Variants in NR1D2 observed in about 807,000 individuals in gnomAD.
The protein encoded by NR1D2 is nuclear receptor subfamily 1 group D member 2.
A neutral mutation model predicts 52.2 loss-of-function variants in NR1D2; 25 were observed. The observed-to-expected ratio is 0.48, with a 90% CI of 0.35 to 0.67. The LOEUF is 0.67. Among genes scored for constraint, NR1D2 ranks in the 30% least tolerant of loss-of-function variants. NR1D2 has a pLI of 0.01. For synonymous variants in NR1D2, 259 were observed against 230.1 expected (o/e 1.13, Z -1.14); for missense variants, 681 against 707.2 (o/e 0.96, Z 0.42).
rs1225210482 is a variant in NR1D2, at chr3:23,967,630, A to AATAGAAT, written c.1333-167_1333-161dup. Among the ~76,000 whole-genome samples, 26 of 152,286 alleles carry AATAGAAT rather than the reference A, an allele frequency of 1.7e-4. No homozygotes were observed. In the East Asian group the frequency reaches 4.1e-3, roughly 24 times the overall value. ...AAACTCCATGTCAAAAATAGAATAG[A>AATAGAAT]ATAGAATATAGAATATAGAATAGAA... On this transcript the variant is annotated intron_variant, in intron 6 of 7. Coordinates refer to ENST00000312521, the MANE Select transcript of NR1D2 (RefSeq NM_005126.5).
At chr3:23,968,762 A>G (rs1706513775) in intron 7 of NR1D2, among the ~76,000 whole-genome samples, 1 of 152,234 alleles carries the variant, frequency 6.6e-6, no homozygotes, top group Non-Finnish European at 1.5e-5. Context: ...GTTACTCCCA[A>G]TAACAAATGG....
chr3:23,974,334 T>C (rs773470273), intron 7 of NR1D2, among the ~76,000 whole-genome samples: 4 of 152,194 alleles, frequency 2.6e-5, no homozygotes, highest in Non-Finnish European at 4.4e-5. Context: ...AGCATCACTA[T>C]AAACGTGTTA....
At chr3:23,946,846 C>G (rs1423277457) in intron 1 of NR1D2, among the ~76,000 whole-genome samples, 1 of 152,146 alleles carries the variant, frequency 6.6e-6, no homozygotes. Flanking sequence ...TTGTCTGCCC[C>G]AAATGATGAG....
rs116972339 is a variant in NR1D2 at position 23,973,288 on chromosome 3, T to C, written c.1544-3935T>C. ...CAATTTTGTCATTGTGTGAACATCATAGAGTGTACTTACATAAACCTAGAT... is the reference window on the plus strand; with the variant it reads ...CAATTTTGTCATTGTGTGAACATCACAGAGTGTACTTACATAAACCTAGAT... On this transcript the variant is annotated intron_variant, in intron 7 of 7. Coordinates refer to ENST00000312521, the MANE Select transcript of NR1D2 (RefSeq NM_005126.5). Among the ~76,000 whole-genome samples the C allele has an allele frequency of 3.6e-3, 541 of 152,366 alleles. 13 individuals carry two copies. In the East Asian group the frequency reaches 0.05, roughly 14 times the overall value.
At chr3:23,955,450 A>G (rs916042857) in intron 2 of NR1D2, among the ~76,000 whole-genome samples, 6 of 152,230 alleles carry the variant, frequency 3.9e-5, no homozygotes, top group Admixed American at 1.3e-4. Context: ...TAAATTTACA[A>G]AATTTCAGTG....
intron 6 of NR1D2, among the ~76,000 whole-genome samples, chr3:23,965,814 C>G (rs529824744): frequency 6.6e-6 from 1 of 152,262 alleles, no homozygotes; most frequent in South Asian, 2.1e-4. Context: ...CTCCTGAAAG[C>G]CTAGCCTAGC....
At position 23,961,863 on chromosome 3, in the gene NR1D2, C is replaced by G. The variant is rs945181902; in HGVS notation, c.518-114C>G. 4 of 960,666 alleles carry G rather than the reference C, an allele frequency of 4.2e-6. No homozygotes were observed. In the African/African-American group the frequency reaches 6.6e-5, roughly 16 times the overall value. 59.5% of individuals were successfully genotyped at this position (960,666 alleles called of 1,614,324 possible). On this transcript the variant is annotated intron_variant, in intron 4 of 7. Transcript: ENST00000312521. ...AATGTGGACCAGAGACATGTAGACT[C>G]ATTCTTTATATGTATGACTAGAGGC...
chr3:23,973,147 G>A (rs1227306052), intron 7 of NR1D2, among the ~76,000 whole-genome samples: 1 of 152,012 alleles, frequency 6.6e-6, no homozygotes, highest in Non-Finnish European at 1.5e-5. Context: ...TTGTTTGTGG[G>A]GATTACTGTC....
intron 1 of NR1D2, among the ~76,000 whole-genome samples, chr3:23,950,140 A>G (rs1371944392): frequency 1.3e-5 from 2 of 152,214 alleles, no homozygotes; most frequent in Non-Finnish European, 2.9e-5. Flanking sequence ...TTTATCATCA[A>G]AAACAGTGTA....
intron 2 of NR1D2, among the ~76,000 whole-genome samples, chr3:23,955,338 T>C (rs1706053369): frequency 6.6e-6 from 1 of 152,214 alleles, no homozygotes; most frequent in Non-Finnish European, 1.5e-5. Flanking sequence ...TCTTAATTGT[T>C]ATCCAGAGAA....
Position 23,962,275 on chromosome 3 carries a change from A to G in NR1D2, c.816A>G (p.Gln272=), listed in dbSNP as rs1484202609. The change falls in exon 5 of 8, where the codon CAA becomes CAG. Residue 272 remains glutamine (Q), a synonymous_variant. Coordinates refer to ENST00000312521, the MANE Select transcript of NR1D2 (RefSeq NM_005126.5). ...KDTFMYNQEQ[Q]ENSAESMQPQ... ...CCTTTATGTATAATCAAGAGCAGCA[A>G]GAAAACTCAGCTGAGAGCATGCAGC... 1.1e-5 allele frequency: 17 copies of G among 1,614,134 alleles called. No individual in the cohort carries two copies. Among genetic ancestry groups the G allele is most frequent in the East Asian group, 2.2e-5 (1 of 44,904 alleles).
At chr3:23,958,457 C>T (rs1236126557) in intron 3 of NR1D2, among the ~76,000 whole-genome samples, 1 of 151,840 alleles carries the variant, frequency 6.6e-6, no homozygotes, top group Admixed American at 6.6e-5. Context: ...CCCACCTGGG[C>T]AACATAGGGA....
intron 1 of NR1D2, among the ~76,000 whole-genome samples, chr3:23,946,824 C>T (rs1705738921): frequency 6.6e-6 from 1 of 152,196 alleles, no homozygotes; most frequent in South Asian, 2.1e-4. Flanking sequence ...AACAGGGTGC[C>T]CTTCCCTCCT....
rs1426269654 is a variant in NR1D2, at chr3:23,956,022, C to A, written c.284-15C>A. 1.9e-6 allele frequency: 3 copies of A among 1,597,144 alleles called. No individual in the cohort carries two copies. The South Asian group carries it at 3.3e-5, about 18-fold the overall frequency. Reference sequence around the variant, plus strand: ...TTTCCTCCTACTTTTTACTTCGTGTCCTTTTGTGTCCTAGAATTTAGTGGC... The same window carrying A: ...TTTCCTCCTACTTTTTACTTCGTGTACTTTTGTGTCCTAGAATTTAGTGGC... On this transcript the variant is annotated splice_polypyrimidine_tract_variant and intron_variant, in intron 2 of 7. Coordinates refer to ENST00000312521, the MANE Select transcript of NR1D2 (RefSeq NM_005126.5).
Position 23,977,474 on chromosome 3 carries a change from T to G in NR1D2, c.*55T>G. On this transcript the variant is annotated 3_prime_UTR_variant, in exon 8 of 8. Coordinates refer to ENST00000312521, the MANE Select transcript of NR1D2 (RefSeq NM_005126.5). ...GGTAACTGTACATTTTGTGCTAAAA[T>G]GCATATTTATATGTGTATACCATAT... is the stretch of plus-strand genomic sequence containing the variant. 2.4e-6 allele frequency: 3 copies of G among 1,230,338 alleles called. No homozygotes were observed. Among genetic ancestry groups the G allele is most frequent in the Non-Finnish European group, 3.4e-6 (3 of 882,854 alleles). 76.2% of individuals were successfully genotyped at this position (1,230,338 alleles called of 1,614,324 possible). A position where few individuals can be genotyped will look rare whatever the true frequency, so the allele number is the denominator to read the frequency against.
intron 1 of NR1D2, among the ~76,000 whole-genome samples, chr3:23,947,461 G>A (rs34593533): frequency 0.15 from 22,278 of 152,148 alleles, 2,356 homozygotes; most frequent in African/African-American, 0.29. Flanking sequence ...CGTTTGGGAT[G>A]GAGCACCCAG....
chr3:23,965,829 A>G (rs1448065915), intron 6 of NR1D2, among the ~76,000 whole-genome samples: 2 of 152,192 alleles, frequency 1.3e-5, no homozygotes, highest in Non-Finnish European at 1.5e-5. Context: ...CCTAGCATTT[A>G]CTGTATTCGA....
At chr3:23,964,443 A>C (rs1706386144) in intron 5 of NR1D2, among the ~76,000 whole-genome samples, 1 of 152,156 alleles carries the variant, frequency 6.6e-6, no homozygotes, top group Non-Finnish European at 1.5e-5. Flanking sequence ...AAATTACAAC[A>C]TTGTAATTCT....
chr3:23,974,919 A>G (rs1362441842), intron 7 of NR1D2, among the ~76,000 whole-genome samples: 2 of 151,392 alleles, frequency 1.3e-5, no homozygotes, highest in Non-Finnish European at 2.9e-5. Flanking sequence ...CCTGGGTTCA[A>G]GTGATTCTTG....
Sources: allele counts gnomAD v4.1 joint callset (sites outside exome capture counted in the v4.1 genomes callset), GRCh38; gene constraint gnomAD v4.1.1; transcripts MANE v1.5; gene names NCBI Gene and HGNC (gene_info 2026-07-23, HGNC 2026-07-21).